Variants in CATSPERQ observed in about 807,000 individuals in gnomAD.
The protein encoded by CATSPERQ is catsper channel auxiliary subunit theta, also known as cation channel sperm-associated auxiliary subunit theta.
the CATSPERQ span, chr8:144,353,916 T>A: frequency 6.5e-7 from 1 of 1,528,172 alleles, no homozygotes; most frequent in Non-Finnish European, 8.8e-7. Flanking sequence ...CCTCCCAAGC[T>A]GCCTCCCCGT....
At chr8:144,354,893 A>C in the CATSPERQ span, 31 of 1,415,346 alleles carry the variant, frequency 2.2e-5, no homozygotes, top group South Asian at 2.9e-5. The surrounding 1 kb of genome is among the most constrained non-coding windows in gnomAD (Gnocchi z 4.6). Flanking sequence ...GCAGGAGCTC[A>C]CAGGCGACTG....
chr8:144,353,703 GC>G, the CATSPERQ span: 3 of 1,514,184 alleles, frequency 2.0e-6, no homozygotes, highest in Non-Finnish European at 2.7e-6. Flanking sequence ...TGCGGAAACG[GC>G]CCCACCCAAA....
the CATSPERQ span, chr8:144,354,597 C>G: frequency 6.7e-7 from 1 of 1,482,766 alleles, no homozygotes; most frequent in African/African-American, 1.4e-5. The surrounding 1 kb of genome is among the most constrained non-coding windows in gnomAD (Gnocchi z 4.6). Context: ...CCGCCCCGCC[C>G]CGCCCAGCCT....
At chr8:144,354,857 C>T in the CATSPERQ span, 1 of 1,476,228 alleles carries the variant, frequency 6.8e-7, no homozygotes, top group Non-Finnish European at 9.0e-7. The surrounding 1 kb of genome is among the most constrained non-coding windows in gnomAD (Gnocchi z 4.6). Flanking sequence ...TGAGCAAATT[C>T]TCCAGGGCTG....
chr8:144,354,653 T>A, the CATSPERQ span: 1 of 1,534,708 alleles, frequency 6.5e-7, no homozygotes, highest in Non-Finnish European at 8.7e-7. The surrounding 1 kb of genome is among the most constrained non-coding windows in gnomAD (Gnocchi z 4.6). Flanking sequence ...TAGAAGCTAT[T>A]GTTCTTGAGG....
At chr8:144,354,692 T>A in the CATSPERQ span, 13 of 1,535,046 alleles carry the variant, frequency 8.5e-6, no homozygotes, top group East Asian at 2.9e-4. This position sits in a 1 kb window ranked among gnomAD's most constrained non-coding sequence, Gnocchi z 4.6. Context: ...TCCGGGCAGG[T>A]GAGTCCTAGG....
At chr8:144,353,718 C>T in the CATSPERQ span, 2 of 1,529,792 alleles carry the variant, frequency 1.3e-6, no homozygotes, top group East Asian at 4.9e-5. Context: ...ACCCAAAGAC[C>T]TTAAACAGTG....
At chr8:144,353,638 G>A in the CATSPERQ span, 6 of 1,455,552 alleles carry the variant, frequency 4.1e-6, no homozygotes, top group African/African-American at 2.8e-5. Flanking sequence ...CCGAAGCCCC[G>A]GCGCCCTCTC....
the CATSPERQ span, chr8:144,354,579 G>GCCACCC: frequency 3.9e-6 from 1 of 255,692 alleles, no homozygotes; most frequent in Non-Finnish European, 6.1e-6. This position sits in a 1 kb window ranked among gnomAD's most constrained non-coding sequence, Gnocchi z 4.6. Flanking sequence ...GCCCTTCCCA[G>GCCACCC]CCCCGCCCCG....
At chr8:144,353,300 T>A in the CATSPERQ span, 1 of 1,484,944 alleles carries the variant, frequency 6.7e-7, no homozygotes, top group Non-Finnish European at 8.9e-7. Context: ...AGAGTGGGGC[T>A]GGGAGGTTAC....
chr8:144,353,940 T>C, the CATSPERQ span: 1 of 1,530,222 alleles, frequency 6.5e-7, no homozygotes, highest in Non-Finnish European at 8.7e-7. Context: ...TGGCGCACCC[T>C]CCCGGCCCGT....
At chr8:144,354,928 G>A in the CATSPERQ span, 2 of 1,192,710 alleles carry the variant, frequency 1.7e-6, no homozygotes, top group Non-Finnish European at 2.3e-6. This position sits in a 1 kb window ranked among gnomAD's most constrained non-coding sequence, Gnocchi z 4.6. Flanking sequence ...CCAGGGAGCG[G>A]CCCAGGGTGG....
the CATSPERQ span, chr8:144,353,378 G>A: frequency 6.5e-7 from 1 of 1,535,244 alleles, no homozygotes; most frequent in Non-Finnish European, 8.7e-7. Flanking sequence ...GAGAGGAGCT[G>A]GGCTTGTGAC....
chr8:144,354,527 C>T, the CATSPERQ span: 3 of 1,449,774 alleles, frequency 2.1e-6, no homozygotes, highest in Non-Finnish European at 1.8e-6. This position sits in a 1 kb window ranked among gnomAD's most constrained non-coding sequence, Gnocchi z 4.6. Context: ...CCTGGCTCCG[C>T]CCCATTCAGG....
the CATSPERQ span, chr8:144,354,304 G>T: frequency 6.5e-7 from 1 of 1,534,016 alleles, no homozygotes; most frequent in Non-Finnish European, 8.7e-7. The surrounding 1 kb of genome is among the most constrained non-coding windows in gnomAD (Gnocchi z 4.6). Flanking sequence ...CTTCCACAGT[G>T]TGTCCAGGTA....
At chr8:144,353,503 T>C in the CATSPERQ span, 78 of 1,535,398 alleles carry the variant, frequency 5.1e-5, no homozygotes, top group Admixed American at 2.6e-4. Flanking sequence ...TTCCGGGCGA[T>C]GTAACGGCCC....
chr8:144,354,517 C>A, the CATSPERQ span: 1 of 1,428,894 alleles, frequency 7.0e-7, no homozygotes. The surrounding 1 kb of genome is among the most constrained non-coding windows in gnomAD (Gnocchi z 4.6). Flanking sequence ...CCTCTGCCCA[C>A]CTGGCTCCGC....
At chr8:144,353,253 G>A in the CATSPERQ span, 2 of 1,394,396 alleles carry the variant, frequency 1.4e-6, no homozygotes, top group South Asian at 1.5e-5. Context: ...TTATTGAAAG[G>A]AAGGCCAGTG....
At chr8:144,353,607 A>C in the CATSPERQ span, 1 of 1,466,892 alleles carries the variant, frequency 6.8e-7, no homozygotes, top group South Asian at 1.3e-5. Flanking sequence ...TTCCCCTACC[A>C]GGCTGCATCC....
Sources: gnomAD v4.1 joint callset for allele counts on GRCh38, gnomAD v4.1.1 for gene constraint, Gnocchi (gnomAD v3.1) non-coding constraint, MANE v1.5 for transcripts, NCBI Gene and HGNC (gene_info 2026-07-23, HGNC 2026-07-21) for gene names.